The following RANBP2 variants were observed in gnomAD, a reference collection of about 807,000 sequenced individuals.
RANBP2 encodes E3 SUMO-protein ligase RanBP2.
Under a neutral mutation model 303.6 loss-of-function variants are expected in RANBP2, and 57 were observed. That is an observed-to-expected ratio of 0.19 (90% CI 0.15 to 0.23). RANBP2 has a LOEUF of 0.23. Ranked by LOEUF, RANBP2 falls within the 10% of genes least tolerant of loss-of-function variation. The pLI, the probability that RANBP2 is intolerant of heterozygous loss-of-function variation, is 1.00. For missense variants in RANBP2, 3,138 were observed against 3,780.8 expected, an observed-to-expected ratio of 0.83 and a Z score of 4.46; for synonymous variants, 1,167 against 1,301.5, an observed-to-expected ratio of 0.90 and a Z score of 2.23.
chr2:108,764,109 TGAA>T lies in RANBP2; in HGVS notation c.3577_3579del (p.Glu1193del), dbSNP rs754010811. The T allele has an allele frequency of 1.9e-6, 3 of 1,614,064 alleles. No homozygotes were observed. The highest frequency in any genetic ancestry group is 2.5e-6 in the Non-Finnish European group (3 of 1,179,998). ...TTGAAGTAAAAACTGGTGAGGAAGA[TGAA>T]GAAGAATTCTTTTGCAACCGCGCGA... On this transcript the variant is annotated inframe_deletion, in exon 20 of 29. Transcript: ENST00000283195.
At chr2:109,215,567 A>G in the RANBP2 span, among the ~76,000 whole-genome samples, 5 of 151,890 alleles carry the variant, frequency 3.3e-5, no homozygotes, top group African/African-American at 1.2e-4. Context: ...CCCCTGTCTG[A>G]TGTAGTTTTT....
At chr2:109,166,591 A>G in the RANBP2 span, among the ~76,000 whole-genome samples, 3 of 152,236 alleles carry the variant, frequency 2.0e-5, no homozygotes, top group Non-Finnish European at 4.4e-5. Flanking sequence ...TTATTCAGAA[A>G]AAATTTACAG....
chr2:109,248,729 T>C, the RANBP2 span, among the ~76,000 whole-genome samples: 2,980 of 152,222 alleles, frequency 0.02, 108 homozygotes, highest in African/African-American at 0.068. Context: ...CCTTCTTTTC[T>C]TTCTTCCTTT....
the RANBP2 span, among the ~76,000 whole-genome samples, chr2:109,509,356 C>A: frequency 6.6e-6 from 1 of 152,130 alleles, no homozygotes; most frequent in African/African-American, 2.4e-5. Flanking sequence ...CCATGCACTG[C>A]GTGGCTGAAA....
chr2:108,752,617 C>CAAAAAAA (rs1247816984), intron 12 of RANBP2, among the ~76,000 whole-genome samples: 16 of 40,644 alleles, frequency 3.9e-4, no homozygotes, highest in Non-Finnish European at 6.8e-4. Flanking sequence ...ACTAAAAATA[C>CAAAAAAA]AAAAAAAAAA....
intron 6 of RANBP2, among the ~76,000 whole-genome samples, chr2:108,737,777 A>C (rs1466618707): frequency 7.4e-6 from 1 of 135,758 alleles, no homozygotes; most frequent in South Asian, 2.4e-4. Context: ...ACTGTGGGGC[A>C]ATCTCGGCTC....
the RANBP2 span, among the ~76,000 whole-genome samples, chr2:109,591,053 G>A: frequency 8.3e-4 from 127 of 152,250 alleles, no homozygotes; most frequent in Non-Finnish European, 1.6e-4. Flanking sequence ...AATTTGTGAC[G>A]ATTTGTTATG....
the RANBP2 span, among the ~76,000 whole-genome samples, chr2:109,052,191 A>G: frequency 2.0e-4 from 30 of 152,246 alleles, no homozygotes; most frequent in African/African-American, 7.2e-4. Flanking sequence ...TGTATTCACT[A>G]TCAGTAATCC....
the RANBP2 span, among the ~76,000 whole-genome samples, chr2:109,526,105 C>G: frequency 6.6e-6 from 1 of 152,114 alleles, no homozygotes; most frequent in Non-Finnish European, 1.5e-5. Context: ...AATCAGGGCA[C>G]AGTAAGCACC....
the RANBP2 span, among the ~76,000 whole-genome samples, chr2:108,834,546 C>T: frequency 1.3e-5 from 2 of 152,134 alleles, no homozygotes; most frequent in Admixed American, 1.3e-4. Flanking sequence ...TAAGTATTGT[C>T]AAATAGTTGA....
At chr2:109,125,170 G>A in the RANBP2 span, among the ~76,000 whole-genome samples, 1 of 152,074 alleles carries the variant, frequency 6.6e-6, no homozygotes, top group Admixed American at 6.5e-5. Flanking sequence ...GCTGCTGCCA[G>A]CCACCTGCCC....
the RANBP2 span, chr2:109,348,026 C>CTA: frequency 6.7e-7 from 1 of 1,497,656 alleles, no homozygotes; most frequent in Non-Finnish European, 9.0e-7. Flanking sequence ...AGCCACAGAC[C>CTA]TATAGCCAGA....
the RANBP2 span, chr2:108,816,074 A>G: frequency 6.2e-7 from 1 of 1,612,786 alleles, no homozygotes; most frequent in South Asian, 1.1e-5. Context: ...TTTGCTTCCC[A>G]GAGAAATGAT....
chr2:108,807,446 A>G, the RANBP2 span, among the ~76,000 whole-genome samples: 2 of 152,190 alleles, frequency 1.3e-5, no homozygotes, highest in East Asian at 3.8e-4. Context: ...GTAATGTGTA[A>G]TGATCACAGT....
At chr2:109,410,177 C>A in the RANBP2 span, among the ~76,000 whole-genome samples, 14 of 152,226 alleles carry the variant, frequency 9.2e-5, no homozygotes, top group African/African-American at 3.1e-4. Context: ...GGAACCGCGG[C>A]CACAGCACTG....
the RANBP2 span, chr2:109,667,182 G>A: frequency 7.5e-7 from 1 of 1,328,422 alleles, no homozygotes; most frequent in South Asian, 1.2e-5. Context: ...CATTCCAAAA[G>A]CCTTGCAGAA....
At chr2:109,307,421 CT>C in the RANBP2 span, among the ~76,000 whole-genome samples, 303 of 123,776 alleles carry the variant, frequency 2.4e-3, 2 homozygotes, top group African/African-American at 9.6e-3. Context: ...ATAAGATGCA[CT>C]TTTTTTTTTT....
At chr2:109,318,403 G>A in the RANBP2 span, among the ~76,000 whole-genome samples, 2 of 152,170 alleles carry the variant, frequency 1.3e-5, no homozygotes, top group African/African-American at 4.8e-5. Context: ...ATGCCGCCGA[G>A]CGCCAGAAGA....
chr2:109,658,605 T>C, the RANBP2 span, among the ~76,000 whole-genome samples: 1 of 152,162 alleles, frequency 6.6e-6, no homozygotes, highest in Non-Finnish European at 1.5e-5. Context: ...ATCAGTGATA[T>C]TCCAAGAAGG....
Sources: gnomAD v4.1 joint callset for allele counts (sites outside exome capture counted in the v4.1 genomes callset) on GRCh38, gnomAD v4.1.1 for gene constraint, MANE v1.5 for transcripts, NCBI Gene and HGNC (gene_info 2026-07-23, HGNC 2026-07-21) for gene names.